PTPN4: variants seen among roughly 807,000 people sequenced by gnomAD.
PTPN4 encodes protein tyrosine phosphatase non-receptor type 4, also known as tyrosine-protein phosphatase non-receptor type 4.
A neutral mutation model predicts 135.5 loss-of-function variants in PTPN4; 49 were observed. The ratio of observed to expected loss-of-function variants is 0.36; its 90% CI spans 0.29 to 0.46. The LOEUF (loss-of-function observed/expected upper bound fraction) is 0.46, where lower values mean the gene tolerates loss of function less well. PTPN4 is among the 20% of genes least tolerant of loss of function. The probability of loss-of-function intolerance (pLI) is 1.00; values close to 1 mark genes in which losing one functional copy is unlikely to be tolerated. For missense variants in PTPN4, 860 were observed against 1,101.0 expected (o/e 0.78, Z 3.10); for synonymous variants, 333 against 369.9 (o/e 0.90, Z 1.14).
chr2:119,965,460 C>G, intron 24 of PTPN4, 37 bp from the exon 25 acceptor site: 1 of 1,559,540 alleles, frequency 6.4e-7, no homozygotes, highest in East Asian at 2.2e-5. Flanking sequence ...TTCAATAATA[C>G]ATAAGTCAAG....
At chr2:119,845,405 A>T (rs981570032) in intron 2 of PTPN4, among the ~76,000 whole-genome samples, 1 of 152,090 alleles carries the variant, frequency 6.6e-6, no homozygotes, top group Non-Finnish European at 1.5e-5. Flanking sequence ...CTCTTTACTT[A>T]TGATAGGTAT....
At chr2:119,928,599 T>C (rs1175363178) in intron 13 of PTPN4, among the ~76,000 whole-genome samples, 1 of 152,220 alleles carries the variant, frequency 6.6e-6, no homozygotes, top group African/African-American at 2.4e-5. Flanking sequence ...AAACCTGTGA[T>C]AATGGAAAAT....
chr2:119,797,588 C>T (rs1023282072), intron 1 of PTPN4, among the ~76,000 whole-genome samples: 1 of 152,184 alleles, frequency 6.6e-6, no homozygotes, highest in African/African-American at 2.4e-5. Context: ...TCTCTTTCCT[C>T]CATTCTCTGC....
At chr2:119,910,155 GCCACAT>G (rs1678549393) in intron 10 of PTPN4, among the ~76,000 whole-genome samples, 2 of 151,952 alleles carry the variant, frequency 1.3e-5, no homozygotes, top group Non-Finnish European at 2.9e-5. Flanking sequence ...ATGTGGTCTT[GCCACAT>G]TGTGGCAAGA....
At chr2:119,848,552 T>C (rs1479398585) in intron 2 of PTPN4, among the ~76,000 whole-genome samples, 1 of 152,068 alleles carries the variant, frequency 6.6e-6, no homozygotes, top group Non-Finnish European at 1.5e-5. Flanking sequence ...CATACATTGG[T>C]GGGCTCTTAA....
At chr2:119,921,235 G>A (rs554708982) in intron 12 of PTPN4, among the ~76,000 whole-genome samples, 25 of 152,064 alleles carry the variant, frequency 1.6e-4, no homozygotes, top group Non-Finnish European at 2.8e-4. Context: ...TTCATGAGCC[G>A]ACATCTCGCC....
chr2:119,977,183 A>G lies in PTPN4; in HGVS notation c.*113A>G. 2.2e-6 allele frequency: 3 copies of G among 1,389,906 alleles called. No homozygotes were observed. Among genetic ancestry groups the G allele is most frequent in the Non-Finnish European group, 2.8e-6 (3 of 1,069,914 alleles). 86.1% of individuals were successfully genotyped at this position (1,389,906 alleles called of 1,614,324 possible). On this transcript the variant is annotated 3_prime_UTR_variant, in exon 27 of 27. Transcript: ENST00000263708. The stretch of plus-strand genomic sequence containing the variant: ...TTACAAAAAAAAAATGAAGAACTCA[A>G]AAAAACTTTGAAAACTTCAGCACTG...
At chr2:119,943,900 G>A (rs1214041068) in intron 15 of PTPN4, among the ~76,000 whole-genome samples, 2 of 151,792 alleles carry the variant, frequency 1.3e-5, no homozygotes, top group Non-Finnish European at 1.5e-5. Context: ...CCCATAAACT[G>A]TTTCTTAAAG....
chr2:119,869,568 T>C (rs1327699434), intron 3 of PTPN4, among the ~76,000 whole-genome samples: 4 of 152,156 alleles, frequency 2.6e-5, no homozygotes, highest in Non-Finnish European at 5.9e-5. Flanking sequence ...TTTCTGTTTT[T>C]CCCCCACCCC....
At chr2:119,877,117 A>G (rs992161533) in intron 3 of PTPN4, among the ~76,000 whole-genome samples, 7 of 152,148 alleles carry the variant, frequency 4.6e-5, no homozygotes, top group Non-Finnish European at 1.0e-4. Context: ...CAAAATCTTA[A>G]TATTAACACA....
chr2:119,947,762 C>CCACACA (rs3084728), intron 18 of PTPN4, among the ~76,000 whole-genome samples: 75,192 of 147,018 alleles, frequency 0.51, 20,419 homozygotes, highest in East Asian at 0.69. Flanking sequence ...AACACCACTA[C>CCACACA]CACACACACA....
rs757043949 is a variant in PTPN4 at position 119,877,553 on chromosome 2, G to A, written c.368+11G>A. ...AGAAGAATATACAAGGTGGGTTTAT[G>A]GATATATTTTTCTTGAAAATATTGT... On this transcript the variant is annotated intron_variant, in intron 5 of 26. Coordinates refer to ENST00000263708, the MANE Select transcript of PTPN4 (RefSeq NM_002830.4). The A allele has an allele frequency of 1.3e-6, 2 of 1,566,724 alleles. No homozygotes were observed. Among genetic ancestry groups the A allele is most frequent in the East Asian group, 4.5e-5 (2 of 44,336 alleles).
At chr2:119,908,294 C>T (rs1678518536) in intron 10 of PTPN4, among the ~76,000 whole-genome samples, 1 of 152,132 alleles carries the variant, frequency 6.6e-6, no homozygotes. Context: ...AGAAAAAAGA[C>T]ATGCAAATGG....
chr2:119,976,864 A>G (rs1679625240), intron 26 of PTPN4, 120 bp from the exon 27 acceptor site: 5 of 1,466,576 alleles, frequency 3.4e-6, no homozygotes, highest in Middle Eastern at 2.5e-4. Flanking sequence ...ATCTTTATGC[A>G]GTTTTGTTTT....
intron 26 of PTPN4, among the ~76,000 whole-genome samples, chr2:119,971,568 G>C (rs1222128986): frequency 6.6e-6 from 1 of 152,074 alleles, no homozygotes; most frequent in African/African-American, 2.4e-5. Context: ...ATGTTTTCTG[G>C]ATAAAAGTTT....
intron 1 of PTPN4, among the ~76,000 whole-genome samples, chr2:119,790,873 G>T (rs746800382): frequency 2.6e-5 from 4 of 151,918 alleles, no homozygotes; most frequent in Non-Finnish European, 4.4e-5. Context: ...ATTGCCCAGG[G>T]TATTTACTTA....
chr2:119,865,851 AT>A (rs1373149104), intron 3 of PTPN4, among the ~76,000 whole-genome samples: 4 of 152,140 alleles, frequency 2.6e-5, no homozygotes, highest in Non-Finnish European at 2.9e-5. Flanking sequence ...TGAGTTTATA[AT>A]TGATAAACTT....
At chr2:119,940,114 G>A (rs1216474844) in intron 15 of PTPN4, among the ~76,000 whole-genome samples, 2 of 152,148 alleles carry the variant, frequency 1.3e-5, no homozygotes, top group East Asian at 3.9e-4. Context: ...GTTGCTGGGA[G>A]GCTTATTCTG....
rs929018530 is a variant in PTPN4, at chr2:119,981,679, C to T, written c.*4609C>T. The T allele has an allele frequency of 9.9e-5, 15 of 151,916 alleles. No homozygotes were observed. The highest frequency in any genetic ancestry group is 3.9e-4 in the Admixed American group (6 of 15,234). 9.4% of individuals were successfully genotyped at this position (151,916 alleles called of 1,614,324 possible). On this transcript the variant is annotated 3_prime_UTR_variant, in exon 27 of 27. Coordinates refer to ENST00000263708, the MANE Select transcript of PTPN4 (RefSeq NM_002830.4). ...TTTGTATGTTTTTTGTTCAACTTAC[C>T]GTGTCTGCAACCATTATATAGACTT...
Sources: allele counts gnomAD v4.1 joint callset (sites outside exome capture counted in the v4.1 genomes callset), GRCh38; gene constraint gnomAD v4.1.1; transcripts MANE v1.5; gene names NCBI Gene and HGNC (gene_info 2026-07-23, HGNC 2026-07-21).